The following DPY19L4 variants were observed in gnomAD, a reference collection of about 807,000 sequenced individuals.
DPY19L4 encodes dpy-19 like 4, also known as probable C-mannosyltransferase DPY19L4.
In DPY19L4, 97 loss-of-function variants were observed where a neutral mutation model predicts 102.8. The observed-to-expected ratio is 0.94, with a 90% confidence interval of 0.80 to 1.12. DPY19L4 has a LOEUF of 1.12. Ranked by LOEUF, DPY19L4 falls within the 50% of genes most tolerant of loss-of-function variation. The probability of loss-of-function intolerance (pLI) is 0.00; values close to 1 mark genes in which losing one functional copy is unlikely to be tolerated. For missense variants in DPY19L4, 815 were observed against 850.4 expected (o/e 0.96, Z 0.52); for synonymous variants, 252 against 283.1 (o/e 0.89, Z 1.10).
chr8:94,789,616 T>G, intron 18 of DPY19L4, 130 bp from the exon 19 acceptor site: 5 of 788,370 alleles, frequency 6.3e-6, no homozygotes, highest in Non-Finnish European at 9.4e-6. Flanking sequence ...TTGCTAACAG[T>G]GAGATGTTTT....
chr8:94,768,585 A>G, intron 12 of DPY19L4, 32 bp downstream of exon 12: 1 of 1,221,282 alleles, frequency 8.2e-7, no homozygotes, highest in Admixed American at 2.9e-5. Context: ...TCATATTACT[A>G]ACATAAATTA....
chr8:94,773,395 A>G (rs1196478938), intron 13 of DPY19L4, among the ~76,000 whole-genome samples: 1 of 152,130 alleles, frequency 6.6e-6, no homozygotes, highest in Non-Finnish European at 1.5e-5. Context: ...TACAAACTAA[A>G]TGTTTAATAG....
chr8:94,748,782 G>T (rs539877851), intron 6 of DPY19L4, among the ~76,000 whole-genome samples: 1 of 152,144 alleles, frequency 6.6e-6, no homozygotes, highest in South Asian at 2.1e-4. Context: ...TGTGAACTGC[G>T]CATTTGAGGG....
chr8:94,764,957 G>T (rs1372930659), intron 8 of DPY19L4, among the ~76,000 whole-genome samples: 1 of 151,004 alleles, frequency 6.6e-6, no homozygotes, highest in Non-Finnish European at 1.5e-5. Flanking sequence ...TCGAACCCCT[G>T]ACCTCAATGA....
chr8:94,753,324 CT>C (rs1812028050), intron 6 of DPY19L4, among the ~76,000 whole-genome samples: 1 of 152,028 alleles, frequency 6.6e-6, no homozygotes, highest in Non-Finnish European at 1.5e-5. Context: ...AGTTTTGATT[CT>C]GTAAAATATT....
At chr8:94,772,232 A>T (rs556636150) in intron 13 of DPY19L4, among the ~76,000 whole-genome samples, 22 of 152,228 alleles carry the variant, frequency 1.4e-4, no homozygotes, top group African/African-American at 4.8e-4. Context: ...ACATGATAGG[A>T]TCCCCCTTCC....
intron 13 of DPY19L4, among the ~76,000 whole-genome samples, chr8:94,774,524 G>GT (rs1389146557): frequency 6.7e-6 from 1 of 149,608 alleles, no homozygotes; most frequent in African/African-American, 2.5e-5. Flanking sequence ...AACAACTCTC[G>GT]TTTTTTTCCC....
At chr8:94,789,366 A>G (rs1000975848) in intron 18 of DPY19L4, among the ~76,000 whole-genome samples, 1 of 152,222 alleles carries the variant, frequency 6.6e-6, no homozygotes, top group African/African-American at 2.4e-5. Context: ...CTTGCTTACT[A>G]AATAATTCTA....
At chr8:94,786,320 T>A (rs1005022447) in intron 17 of DPY19L4, among the ~76,000 whole-genome samples, 87 of 152,058 alleles carry the variant, frequency 5.7e-4, no homozygotes, top group African/African-American at 2.1e-3. Flanking sequence ...AGACAGGGTT[T>A]CATCATGTTG....
At chr8:94,736,254 C>T (rs1811184888) in intron 3 of DPY19L4, among the ~76,000 whole-genome samples, 1 of 152,156 alleles carries the variant, frequency 6.6e-6, no homozygotes, top group South Asian at 2.1e-4. Context: ...AATATCTTCT[C>T]ATTGGGTATT....
chr8:94,787,291 T>C (rs1813697072), intron 17 of DPY19L4, among the ~76,000 whole-genome samples: 1 of 152,192 alleles, frequency 6.6e-6, no homozygotes, highest in African/African-American at 2.4e-5. Flanking sequence ...ATAGAACCAT[T>C]CCCACTGAAA....
At chr8:94,721,139 T>G (rs1810442196) in intron 1 of DPY19L4, among the ~76,000 whole-genome samples, 1 of 152,052 alleles carries the variant, frequency 6.6e-6, no homozygotes, top group Non-Finnish European at 1.5e-5. Context: ...AGAGACGGGG[T>G]TTCTCCATGT....
At chr8:94,780,940 A>AT (rs1340299303) in intron 15 of DPY19L4, 144 bp from the exon 16 acceptor site, 2 of 594,814 alleles carry the variant, frequency 3.4e-6, no homozygotes, top group Admixed American at 3.7e-5. Flanking sequence ...CCATCATGAC[A>AT]TTTTTTCCAT....
chr8:94,729,588 A>T (rs575711544), intron 2 of DPY19L4, among the ~76,000 whole-genome samples: 11 of 77,834 alleles, frequency 1.4e-4, no homozygotes, highest in Admixed American at 4.7e-4. Context: ...AACAGAGGAG[A>T]TTCCATCTCA....
chr8:94,751,620 G>C (rs1811933316), intron 6 of DPY19L4, among the ~76,000 whole-genome samples: 1 of 152,062 alleles, frequency 6.6e-6, no homozygotes, highest in South Asian at 2.1e-4. Context: ...CTCCCAAGTA[G>C]CTGCGATTAC....
intron 2 of DPY19L4, among the ~76,000 whole-genome samples, chr8:94,732,811 C>CTT (rs10624368): frequency 0.17 from 21,415 of 128,012 alleles, 2,316 homozygotes; most frequent in South Asian, 0.26. Context: ...CTTTTTCTTT[C>CTT]TTTTTTTTTT....
chr8:94,777,678 CT>C lies in DPY19L4; in HGVS notation c.1468del (p.Trp490GlyfsTer8). 2 of 1,613,056 alleles carry C rather than the reference CT, an allele frequency of 1.2e-6. No homozygotes were observed. Among genetic ancestry groups the C allele is most frequent in the East Asian group, 4.5e-5 (2 of 44,854 alleles). The stretch of plus-strand genomic sequence containing the variant: ...TTGTGTTTTCTAGCTTGAAGTACAT[CT>C]GGATTCCTTATGTGTGCATGTTAGC... ...AMVIEGLKYI[W>X]IPYVCMLAAF... On this transcript the variant is annotated frameshift_variant, in exon 14 of 19. Coordinates refer to ENST00000414645, the MANE Select transcript of DPY19L4 (RefSeq NM_181787.3). LOFTEE classifies it high-confidence loss of function.
intron 2 of DPY19L4, among the ~76,000 whole-genome samples, chr8:94,729,597 C>CAAAAAAAA (rs770975687): frequency 9.7e-5 from 3 of 31,042 alleles, no homozygotes; most frequent in African/African-American, 4.2e-4. Flanking sequence ...GATTCCATCT[C>CAAAAAAAA]AAAAAAAAAA....
At position 94,792,020 on chromosome 8, in the gene DPY19L4, C is replaced by T. The variant is rs1586441007; in HGVS notation, c.*2110C>T. On this transcript the variant is annotated 3_prime_UTR_variant, in exon 19 of 19. Transcript: ENST00000414645. Reference sequence around the variant, plus strand: ...GGAAAGCATTTAGTTTATTTCTTCACTTATTTGTAGAGTGAACAAATGATT... The same window carrying T: ...GGAAAGCATTTAGTTTATTTCTTCATTTATTTGTAGAGTGAACAAATGATT... 1 of 152,214 alleles carries T rather than the reference C, an allele frequency of 6.6e-6. No homozygotes were observed. The highest frequency in any genetic ancestry group is 1.9e-4 in the East Asian group (1 of 5,190). The allele number at this position is 152,214 out of a possible 1,614,324, so 9.4% of individuals were successfully genotyped here.
Sources: allele counts gnomAD v4.1 joint callset (sites outside exome capture counted in the v4.1 genomes callset), GRCh38; gene constraint gnomAD v4.1.1; transcripts MANE v1.5; gene names NCBI Gene and HGNC (gene_info 2026-07-23, HGNC 2026-07-21).